ZNF548: variants seen among roughly 807,000 people sequenced by gnomAD.
The protein encoded by ZNF548 is zinc finger protein 548.
ZNF548 carries 10 observed loss-of-function variants against 10.2 expected under a neutral mutation model. The ratio of observed to expected loss-of-function variants is 0.98; its 90% CI spans 0.60 to 1.66. The LOEUF is 1.66. Ranked by LOEUF, ZNF548 falls within the 40% of genes most tolerant of loss-of-function variation. The pLI, the probability that ZNF548 is intolerant of heterozygous loss-of-function variation, is 0.00. For missense variants in ZNF548, 599 were observed against 657.0 expected, an observed-to-expected ratio of 0.91 and a Z score of 0.97; for synonymous variants, 217 against 223.5, an observed-to-expected ratio of 0.97 and a Z score of 0.26.
Position 57,398,690 on chromosome 19 carries a change from G to T in ZNF548, c.439G>T (p.Asp147Tyr), listed in dbSNP as rs1259075351. 7.4e-6 allele frequency: 12 copies of T among 1,614,050 alleles called. No individual in the cohort carries two copies. The highest frequency in any genetic ancestry group is 9.3e-6 in the Non-Finnish European group (11 of 1,179,922). The change falls in exon 4 of 4, where the codon GAT becomes TAT. Residue 147 changes from aspartate (D) to tyrosine (Y), a missense_variant. By Grantham distance (160) the Asp-to-Tyr change is radical. Coordinates refer to ENST00000336128, the MANE Select transcript of ZNF548 (RefSeq NM_001172773.2). ...TGGAGAAAATCTTTCCAGAGGGGATGATTGGATACCTTCATTTGGGAAGAA... is the reference window on the plus strand; with the variant it reads ...TGGAGAAAATCTTTCCAGAGGGGATTATTGGATACCTTCATTTGGGAAGAA... The part of the protein sequence containing the change: ...QIGENLSRGD[D>Y]WIPSFGKNHR...
chr19:57,395,443 GT>G lies in ZNF548; in HGVS notation c.51+1223del, dbSNP rs1172689316. Among the ~76,000 whole-genome samples the G allele has an allele frequency of 6.6e-6, 1 of 152,074 alleles. No individual in the cohort carries two copies. The highest frequency in any genetic ancestry group is 2.4e-5 in the African/African-American group (1 of 41,388). ...ACTGGGTAATTTATGAAGAAAAGAG[GT>G]TTAACCAACTCACAGTTCTTCAGGC... On this transcript the variant is annotated intron_variant, in intron 2 of 3. Transcript: ENST00000336128. This position sits in a 1 kb window ranked among gnomAD's most constrained non-coding sequence, Gnocchi z 4.8.
rs768020711 is a variant in ZNF548, at chr19:57,394,226, G to A, written c.51+3G>A. 1 of 1,603,444 alleles carries A rather than the reference G, an allele frequency of 6.2e-7. No individual in the cohort carries two copies. The highest frequency in any genetic ancestry group is 8.5e-7 in the Non-Finnish European group (1 of 1,179,286). On this transcript the variant is annotated splice_donor_region_variant and intron_variant, in intron 2 of 3. Coordinates refer to ENST00000336128, the MANE Select transcript of ZNF548 (RefSeq NM_001172773.2). ...TGGCAGAAATGGACCCTACACAGGTGAGTAGAGTGTTTCCTACTATTCACC... is the reference window on the plus strand; with the variant it reads ...TGGCAGAAATGGACCCTACACAGGTAAGTAGAGTGTTTCCTACTATTCACC...
chr19:57,397,391 G>A, intron 3 of ZNF548: 1 of 632,464 alleles, frequency 1.6e-6, no homozygotes, highest in African/African-American at 1.8e-5. Flanking sequence ...ACAAGAAAGG[G>A]CTCAAGAGCC....
At position 57,399,252 on chromosome 19, in the gene ZNF548, C is replaced by G. The variant is rs776447375; in HGVS notation, c.1001C>G (p.Ser334Cys). The G allele has an allele frequency of 6.2e-7, 1 of 1,613,916 alleles. No individual in the cohort carries two copies. Among genetic ancestry groups the G allele is most frequent in the South Asian group, 1.1e-5 (1 of 91,060 alleles). Residue 334 changes from serine (S) to cysteine (C), a missense_variant, in exon 4 of 4, where the codon TCC becomes TGC. Coordinates refer to ENST00000336128, the MANE Select transcript of ZNF548 (RefSeq NM_001172773.2). The surrounding 1 kb of genome is among the most constrained non-coding windows in gnomAD (Gnocchi z 4.0). ...RECGKFFMDS[S>C]TLIKHQRVHT... ...TGTGGGAAATTCTTTATGGACAGCT[C>G]CACACTCATTAAACATCAGAGAGTT...
At chr19:57,394,638 A>C (rs2088652615) in intron 2 of ZNF548, among the ~76,000 whole-genome samples, 1 of 152,118 alleles carries the variant, frequency 6.6e-6, no homozygotes, top group Non-Finnish European at 1.5e-5. Context: ...TTGAAGCAAA[A>C]TAGGTAGTGA....
rs1347469109 is a variant in ZNF548, at chr19:57,390,029, G to A, written c.-71G>A. The A allele has an allele frequency of 2.5e-6, 4 of 1,577,120 alleles. No homozygotes were observed. The African/African-American group carries it at 4.0e-5, about 16-fold the overall frequency. The stretch of plus-strand genomic sequence containing the variant: ...AGTCAACTGACAAGCGCTGGGGACA[G>A]TGGCGTCCTTGTCTTGCCTTTGTCG... On this transcript the variant is annotated 5_prime_UTR_variant, in exon 1 of 4. It adds an upstream start codon to the 5' untranslated region. Coordinates refer to ENST00000336128, the MANE Select transcript of ZNF548 (RefSeq NM_001172773.2).
intron 3 of ZNF548, among the ~76,000 whole-genome samples, chr19:57,397,634 T>A (rs1040756433): frequency 4.6e-5 from 7 of 152,322 alleles, no homozygotes; most frequent in Middle Eastern, 3.4e-3. Flanking sequence ...GATTATAGAA[T>A]GTGGGATGCC....
intron 3 of ZNF548, chr19:57,397,397 G>A: frequency 1.6e-6 from 1 of 606,440 alleles, no homozygotes; most frequent in Non-Finnish European, 2.6e-6. Context: ...AAGGGCTCAA[G>A]AGCCAGAAAT....
chr19:57,394,052 ACTGAGGC>A, intron 1 of ZNF548, 129 bp from the exon 2 acceptor site: 1 of 897,694 alleles, frequency 1.1e-6, no homozygotes, highest in Non-Finnish European at 1.8e-6. Context: ...GAGCTGCAGC[ACTGAGGC>A]CTGAGGAACT....
chr19:57,392,945 C>A, intron 1 of ZNF548: 1 of 985,674 alleles, frequency 1.0e-6, no homozygotes, highest in Non-Finnish European at 1.2e-6. Context: ...GAGGCCTGGA[C>A]TGGGTAAGCA....
Position 57,389,924 on chromosome 19 carries a change from G to C in ZNF548, c.-176G>C. 1 of 717,746 alleles carries C rather than the reference G, an allele frequency of 1.4e-6. No homozygotes were observed. Among genetic ancestry groups the C allele is most frequent in the Non-Finnish European group, 2.2e-6 (1 of 455,718 alleles). The allele number at this position is 717,746 out of a possible 1,614,324, so 44.5% of individuals were successfully genotyped here. On this transcript the variant is annotated 5_prime_UTR_variant, in exon 1 of 4. Transcript: ENST00000336128. The stretch of plus-strand genomic sequence containing the variant: ...GGTGTTTCACCAACTTCGGCCTATG[G>C]CTCTGTCTGACGTCACCGAAGTGAC...
rs752712746 is a variant in ZNF548 at position 57,399,844 on chromosome 19, C to T, written c.1593C>T (p.Thr531=). The part of the protein sequence containing the change: ...NVGNSLAKTP[T]SLNIRDFTME... ...GGAATTCTTTAGCTAAAACTCCAAC[C>T]TCATTAAACATCAGAGATTTCACAA... The change falls in exon 4 of 4, where the codon ACC becomes ACT. Residue 531 remains threonine (T), a synonymous_variant. Coordinates refer to ENST00000336128, the MANE Select transcript of ZNF548 (RefSeq NM_001172773.2). This position sits in a 1 kb window ranked among gnomAD's most constrained non-coding sequence, Gnocchi z 4.0. The T allele has an allele frequency of 1.9e-6, 3 of 1,612,308 alleles. No individual in the cohort carries two copies. The highest frequency in any genetic ancestry group is 2.2e-5 in the South Asian group (2 of 90,980).
chr19:57,399,718 T>C lies in ZNF548; in HGVS notation c.1467T>C (p.Tyr489=), dbSNP rs771318244. The C allele has an allele frequency of 1.6e-5, 26 of 1,614,056 alleles. No individual in the cohort carries two copies. Among genetic ancestry groups the C allele is most frequent in the Non-Finnish European group, 2.0e-5 (24 of 1,180,038 alleles). Residue 489 remains tyrosine (Y), a synonymous_variant, in exon 4 of 4, where the codon TAT becomes TAC. Coordinates refer to ENST00000336128, the MANE Select transcript of ZNF548 (RefSeq NM_001172773.2). The surrounding 1 kb of genome is among the most constrained non-coding windows in gnomAD (Gnocchi z 4.0). ...AAATCCACAGTGGAGAAAGACCTTATGAGTGCAGCGAATGCCAGAAGGCCT... is the reference window on the plus strand; with the variant it reads ...AAATCCACAGTGGAGAAAGACCTTACGAGTGCAGCGAATGCCAGAAGGCCT... ...HQKIHSGERP[Y]ECSECQKAFI... is the part of the protein sequence containing the mutation.
rs1208227379 is a variant in ZNF548 at position 57,400,128 on chromosome 19, C to T, written c.*239C>T. On this transcript the variant is annotated 3_prime_UTR_variant, in exon 4 of 4. Transcript: ENST00000336128. ...TTGTACCTCATATAAGTGGATTCTA[C>T]AGTATTTATCTTTTGAGACTGGCTT... The T allele has an allele frequency of 4.7e-6, 2 of 424,824 alleles. No individual in the cohort carries two copies. Among genetic ancestry groups the T allele is most frequent in the East Asian group, 7.1e-5 (2 of 28,176 alleles). 26.3% of individuals were successfully genotyped at this position (424,824 alleles called of 1,614,324 possible).
chr19:57,397,903 T>A (rs1421199000), intron 3 of ZNF548, among the ~76,000 whole-genome samples: 2 of 152,166 alleles, frequency 1.3e-5, no homozygotes, highest in Non-Finnish European at 2.9e-5. Context: ...TCTTCCCCAT[T>A]ATCATTTCTA....
Position 57,399,991 on chromosome 19 carries a change from T to C in ZNF548, c.*102T>C. 1.1e-6 allele frequency: 1 copy of C among 895,022 alleles called. No individual in the cohort carries two copies. The highest frequency in any genetic ancestry group is 1.8e-5 in the South Asian group (1 of 54,098). The allele number at this position is 895,022 out of a possible 1,614,324, so 55.4% of individuals were successfully genotyped here. A position where few individuals can be genotyped will look rare whatever the true frequency, so the allele number is the denominator to read the frequency against. On this transcript the variant is annotated 3_prime_UTR_variant, in exon 4 of 4. Transcript: ENST00000336128. The surrounding 1 kb of genome is among the most constrained non-coding windows in gnomAD (Gnocchi z 4.0). ...CCAAGAAGTAAAATGCTGTACCCATTAACAACAACTCATTCCCCTTCCCTA... is the reference window on the plus strand; with the variant it reads ...CCAAGAAGTAAAATGCTGTACCCATCAACAACAACTCATTCCCCTTCCCTA...
intron 2 of ZNF548, chr19:57,396,772 A>T (rs2088668776): frequency 2.8e-6 from 1 of 355,348 alleles, no homozygotes; most frequent in Non-Finnish European, 5.1e-6. Flanking sequence ...GCTGGGCGTC[A>T]GGATAGTTTG....
At position 57,400,224 on chromosome 19, in the gene ZNF548, G is replaced by T; in HGVS notation, c.*335G>T. The T allele has an allele frequency of 4.7e-6, 1 of 214,178 alleles. No homozygotes were observed. Among genetic ancestry groups the T allele is most frequent in the South Asian group, 1.2e-4 (1 of 8,024 alleles). The allele number at this position is 214,178 out of a possible 1,614,324, so 13.3% of individuals were successfully genotyped here. A position where few individuals can be genotyped will look rare whatever the true frequency, so the allele number is the denominator to read the frequency against. On this transcript the variant is annotated 3_prime_UTR_variant, in exon 4 of 4. Transcript: ENST00000336128. ...TGTGTCAGAATATCCTTCCTTTTTA[G>T]GTGAAATAATATTCTATGGTATTTA... is the stretch of plus-strand genomic sequence containing the variant.
intron 2 of ZNF548, among the ~76,000 whole-genome samples, chr19:57,396,683 A>C (rs1442160522): frequency 3.3e-5 from 5 of 152,234 alleles, no homozygotes; most frequent in African/African-American, 1.2e-4. Context: ...AGATTTGGTC[A>C]GGAGGAAAAT....
Sources: allele counts gnomAD v4.1 joint callset (sites outside exome capture counted in the v4.1 genomes callset), GRCh38; gene constraint gnomAD v4.1.1; non-coding constraint Gnocchi (gnomAD v3.1); transcripts MANE v1.5; gene names NCBI Gene and HGNC (gene_info 2026-07-23, HGNC 2026-07-21).